Variants in PDE1C observed in about 807,000 individuals in gnomAD.
PDE1C encodes phosphodiesterase 1C, also known as dual specificity calcium/calmodulin-dependent 3',5'-cyclic nucleotide phosphodiesterase 1C.
A neutral mutation model predicts 93.1 loss-of-function variants in PDE1C; 62 were observed. The ratio of observed to expected loss-of-function variants is 0.67; its 90% CI spans 0.54 to 0.82. The LOEUF (loss-of-function observed/expected upper bound fraction) is 0.82, where lower values mean the gene tolerates loss of function less well. Among genes scored for constraint, PDE1C ranks in the 40% least tolerant of loss-of-function variants. The pLI, the probability that PDE1C is intolerant of heterozygous loss-of-function variation, is 0.00. For synonymous variants in PDE1C, 325 were observed against 310.1 expected, an observed-to-expected ratio of 1.05 and a Z score of -0.50; for missense variants, 742 against 884.6, an observed-to-expected ratio of 0.84 and a Z score of 2.04.
chr7:31,721,954 GA>G, the PDE1C span, among the ~76,000 whole-genome samples: 2 of 149,766 alleles, frequency 1.3e-5, no homozygotes, highest in African/African-American at 4.9e-5. Flanking sequence ...TAATGTCTCA[GA>G]AAAGTAAATG....
At chr7:32,412,196 T>C (rs1785184116) in intron 1 of PDE1C, among the ~76,000 whole-genome samples, 1 of 152,192 alleles carries the variant, frequency 6.6e-6, no homozygotes, top group South Asian at 2.1e-4. Flanking sequence ...GGCTCATGCC[T>C]GTAATCTCAG....
At chr7:31,836,968 G>A (rs369110990) in intron 11 of PDE1C, among the ~76,000 whole-genome samples, 2 of 152,144 alleles carry the variant, frequency 1.3e-5, no homozygotes. Flanking sequence ...AAACAGAAAT[G>A]CATAGGATAA....
intron 1 of PDE1C, among the ~76,000 whole-genome samples, chr7:32,212,235 A>T (rs1806100258): frequency 6.6e-6 from 1 of 152,058 alleles, no homozygotes; most frequent in Non-Finnish European, 1.5e-5. Flanking sequence ...TCCAAGAATA[A>T]AAGAACAGAG....
chr7:31,999,848 C>G (rs1172206282), intron 2 of PDE1C, among the ~76,000 whole-genome samples: 1 of 152,160 alleles, frequency 6.6e-6, no homozygotes, highest in Non-Finnish European at 1.5e-5. Context: ...TTACTGAGTT[C>G]AACAGCTGAG....
intron 1 of PDE1C, among the ~76,000 whole-genome samples, chr7:32,262,752 C>G (rs1810303103): frequency 6.6e-6 from 1 of 152,192 alleles, no homozygotes; most frequent in Non-Finnish European, 1.5e-5. Flanking sequence ...CGTAACAACT[C>G]TTTGAACTTT....
At chr7:31,840,850 C>T (rs1421594413) in intron 9 of PDE1C, among the ~76,000 whole-genome samples, 1 of 151,984 alleles carries the variant, frequency 6.6e-6, no homozygotes, top group Non-Finnish European at 1.5e-5. Flanking sequence ...AAATATGAGT[C>T]CTCTAACCTT....
chr7:32,093,141 A>G (rs903202201), intron 3 of PDE1C, among the ~76,000 whole-genome samples: 1 of 152,252 alleles, frequency 6.6e-6, no homozygotes, highest in Non-Finnish European at 1.5e-5. Flanking sequence ...AGTCATTTCA[A>G]GAATACATAG....
chr7:31,807,677 G>A (rs1787030096), intron 16 of PDE1C, among the ~76,000 whole-genome samples: 1 of 151,928 alleles, frequency 6.6e-6, no homozygotes, highest in Non-Finnish European at 1.5e-5. Context: ...GATGGAGAAA[G>A]TGTCTGGGTT....
chr7:32,112,458 C>CT (rs1563322288), intron 3 of PDE1C, among the ~76,000 whole-genome samples: 1 of 151,932 alleles, frequency 6.6e-6, no homozygotes, highest in Non-Finnish European at 1.5e-5. Context: ...TTTTAGTTTT[C>CT]TTTTTTTAGT....
intron 2 of PDE1C, among the ~76,000 whole-genome samples, chr7:31,982,754 T>C (rs865846488): frequency 1.8e-4 from 27 of 152,210 alleles, no homozygotes; most frequent in Middle Eastern, 6.8e-3. Context: ...CTTTTGAACT[T>C]GCCCACATGT....
At chr7:31,977,331 T>G (rs1368047687) in intron 2 of PDE1C, among the ~76,000 whole-genome samples, 1 of 152,164 alleles carries the variant, frequency 6.6e-6, no homozygotes, top group Non-Finnish European at 1.5e-5. Context: ...CAGATGCCAG[T>G]GTCATGGCCT....
chr7:31,777,247 C>G (rs62448797), intron 16 of PDE1C, among the ~76,000 whole-genome samples: 1 of 151,820 alleles, frequency 6.6e-6, no homozygotes, highest in African/African-American at 2.4e-5. Context: ...AGTGGGAGAG[C>G]GGTAAGCTTT....
At chr7:32,113,893 G>A (rs1422866378) in intron 3 of PDE1C, among the ~76,000 whole-genome samples, 1 of 151,986 alleles carries the variant, frequency 6.6e-6, no homozygotes, top group African/African-American at 2.4e-5. Context: ...GCTACAAAGA[G>A]AATAAAACAC....
At chr7:32,127,242 T>C (rs889534031) in intron 3 of PDE1C, among the ~76,000 whole-genome samples, 4 of 152,192 alleles carry the variant, frequency 2.6e-5, no homozygotes, top group African/African-American at 9.6e-5. Context: ...ATCTTGGGAC[T>C]TGTCAGCCTC....
chr7:32,121,584 A>T (rs1799303389), intron 3 of PDE1C, among the ~76,000 whole-genome samples: 2 of 152,188 alleles, frequency 1.3e-5, no homozygotes, highest in South Asian at 4.2e-4. Flanking sequence ...AATTTTCAAC[A>T]TTCTTAAAAG....
At chr7:31,696,796 G>A in the PDE1C span, among the ~76,000 whole-genome samples, 65 of 152,224 alleles carry the variant, frequency 4.3e-4, no homozygotes, top group South Asian at 4.8e-3. Flanking sequence ...GTTCCTAGTG[G>A]AGCCTCAATA....
intron 2 of PDE1C, among the ~76,000 whole-genome samples, chr7:31,995,602 C>T (rs1212292481): frequency 6.6e-6 from 1 of 151,936 alleles, no homozygotes; most frequent in African/African-American, 2.4e-5. Context: ...GTCTCATTGC[C>T]TCTAGATTTT....
chr7:32,228,073 C>A (rs1807425243), intron 1 of PDE1C, among the ~76,000 whole-genome samples: 1 of 152,238 alleles, frequency 6.6e-6, no homozygotes, highest in South Asian at 2.1e-4. Flanking sequence ...ATTCCTGCCT[C>A]ACAGGCATAT....
intron 2 of PDE1C, among the ~76,000 whole-genome samples, chr7:31,994,458 C>A (rs1316825221): frequency 2.6e-5 from 4 of 152,114 alleles, no homozygotes; most frequent in African/African-American, 7.2e-5. Context: ...CCGGATGACC[C>A]TATGACCTCT....
Sources: allele counts gnomAD v4.1 joint callset (sites outside exome capture counted in the v4.1 genomes callset), GRCh38; gene constraint gnomAD v4.1.1; transcripts MANE v1.5; gene names NCBI Gene and HGNC (gene_info 2026-07-23, HGNC 2026-07-21).